Variants in SRP54 observed in about 807,000 individuals in gnomAD.
SRP54 encodes the protein signal recognition particle 54, also known as signal recognition particle subunit SRP54.
Under a neutral mutation model 64.8 loss-of-function variants are expected in SRP54, and 10 were observed. That is an observed-to-expected ratio of 0.15 (90% CI 0.10 to 0.26). The LOEUF is 0.26. Among genes scored for constraint, SRP54 ranks in the 10% least tolerant of loss-of-function variants. The probability of loss-of-function intolerance (pLI) is 1.00; values close to 1 mark genes in which losing one functional copy is unlikely to be tolerated. For synonymous variants in SRP54, 193 were observed against 185.6 expected, an observed-to-expected ratio of 1.04 and a Z score of -0.32; for missense variants, 325 against 613.7, an observed-to-expected ratio of 0.53 and a Z score of 4.97.
At chr14:35,020,775 T>C (rs1303470425) in intron 13 of SRP54, among the ~76,000 whole-genome samples, 3 of 152,244 alleles carry the variant, frequency 2.0e-5, no homozygotes, top group Non-Finnish European at 2.9e-5. Context: ...CTGAGCACTT[T>C]AAATATATTA....
intron 5 of SRP54, among the ~76,000 whole-genome samples, chr14:35,008,049 A>G (rs1015748258): frequency 6.6e-6 from 1 of 152,062 alleles, no homozygotes; most frequent in African/African-American, 2.4e-5. Context: ...TTTATCCTCT[A>G]TGGCTCAGGA....
At position 35,014,290 on chromosome 14, in the gene SRP54, T is replaced by TTTTTTTTTGTTTTTTTTTG. The variant is rs376712278; in HGVS notation, c.886+392_886+393insTTTTGTTTTTTTTTGTTTT. 5.5e-5 allele frequency among the ~76,000 whole-genome samples: 7 copies of TTTTTTTTTGTTTTTTTTTG among 127,352 alleles called. No individual in the cohort carries two copies. The South Asian group carries it at 1.3e-3, about 23-fold the overall frequency. 83.5% of individuals were successfully genotyped at this position (127,352 alleles called of 152,430 possible). ...TGCCACTTAACTTTTTTTTTTTTTT[T>TTTTTTTTTGTTTTTTTTTG]TTTTGAGACGGAGTTTCGCTCTTGT... On this transcript the variant is annotated intron_variant, in intron 10 of 15. Transcript: ENST00000216774.
Position 34,987,275 on chromosome 14 carries a change from G to GTGTATATA in SRP54, c.-34+4061_-34+4062insGTATATAT, listed in dbSNP as rs1555352664. The stretch of plus-strand genomic sequence containing the variant: ...TATATATATATGTGTGTGTGTGTGT[G>GTGTATATA]TATATATATATACACACACACACAC... On this transcript the variant is annotated intron_variant, in intron 1 of 15. Coordinates refer to ENST00000216774, the MANE Select transcript of SRP54 (RefSeq NM_003136.4). 7.6e-5 allele frequency among the ~76,000 whole-genome samples: 10 copies of GTGTATATA among 131,510 alleles called. 1 individual carries two copies. The South Asian group carries it at 1.2e-3, about 16-fold the overall frequency. The allele number at this position is 131,510 out of a possible 152,430, so 86.3% of individuals were successfully genotyped here.
intron 1 of SRP54, among the ~76,000 whole-genome samples, chr14:34,984,117 G>C (rs1197622923): frequency 2.0e-5 from 3 of 152,138 alleles, no homozygotes; most frequent in Admixed American, 6.6e-5. Flanking sequence ...CTTTTTCTCA[G>C]TTTTTTGATA....
At chr14:34,990,107 C>G (rs530708151) in intron 1 of SRP54, among the ~76,000 whole-genome samples, 1 of 152,242 alleles carries the variant, frequency 6.6e-6, no homozygotes, top group Admixed American at 6.5e-5. Flanking sequence ...AAAACTTCAG[C>G]CTGTTTCTAT....
chr14:34,999,820 T>C (rs2044141703), intron 3 of SRP54, 171 bp downstream of exon 3: 1 of 458,810 alleles, frequency 2.2e-6, no homozygotes, highest in African/African-American at 1.9e-5. Context: ...TACGTTTCCA[T>C]AATGATGGTT....
At chr14:35,020,189 G>GA (rs35470730) in intron 13 of SRP54, among the ~76,000 whole-genome samples, 1 of 151,592 alleles carries the variant, frequency 6.6e-6, no homozygotes, top group East Asian at 1.9e-4. Context: ...TGTCTCAAAA[G>GA]AAAAAAATAA....
intron 4 of SRP54, among the ~76,000 whole-genome samples, chr14:35,005,141 G>A (rs1352729956): frequency 1.3e-5 from 2 of 152,120 alleles, no homozygotes; most frequent in African/African-American, 4.8e-5. Context: ...AAACCAGTCT[G>A]GGCAACATAG....
intron 4 of SRP54, among the ~76,000 whole-genome samples, chr14:35,002,902 C>T (rs1195088241): frequency 2.0e-5 from 3 of 151,948 alleles, no homozygotes; most frequent in Non-Finnish European, 2.9e-5. Flanking sequence ...CATGCCACCA[C>T]GCCCAGCTAG....
chr14:34,984,607 T>A lies in SRP54; in HGVS notation c.-34+1392T>A, dbSNP rs545503934. On this transcript the variant is annotated intron_variant, in intron 1 of 15. Transcript: ENST00000216774. ...ACCTCCGCCTCCCAGGTTCAAGCAA[T>A]TCTCCTGCCTCAGCCTTCCGAGTAG... Among the ~76,000 whole-genome samples, 54 of 152,304 alleles carry A rather than the reference T, an allele frequency of 3.5e-4. 1 individual carries two copies. The highest frequency in any genetic ancestry group is 1.2e-3 in the African/African-American group (49 of 41,568).
At chr14:34,994,475 G>A (rs2044034626) in intron 1 of SRP54, among the ~76,000 whole-genome samples, 1 of 152,146 alleles carries the variant, frequency 6.6e-6, no homozygotes, top group African/African-American at 2.4e-5. Context: ...CCCAGACCGT[G>A]TTTTTAGAGC....
chr14:35,026,573 T>C (rs1286902576), intron 14 of SRP54, among the ~76,000 whole-genome samples: 1 of 152,186 alleles, frequency 6.6e-6, no homozygotes, highest in African/African-American at 2.4e-5. Context: ...CTATGGTGTT[T>C]TGACATAGTG....
intron 12 of SRP54, 74 bp downstream of exon 12, chr14:35,018,839 T>C: frequency 1.4e-6 from 2 of 1,472,846 alleles, no homozygotes; most frequent in Non-Finnish European, 1.9e-6. Flanking sequence ...CTTGCTTTAA[T>C]TATTTTTACA....
chr14:35,000,558 G>A (rs1371389002), intron 3 of SRP54, among the ~76,000 whole-genome samples: 1 of 128,238 alleles, frequency 7.8e-6, no homozygotes, highest in Non-Finnish European at 1.7e-5. Context: ...TAGTGAGACT[G>A]TCTCAAAAAA....
intron 11 of SRP54, among the ~76,000 whole-genome samples, chr14:35,016,839 T>C (rs1434148238): frequency 1.9e-5 from 1 of 51,666 alleles, no homozygotes; most frequent in Admixed American, 1.6e-4. Flanking sequence ...CCCTTTTTTT[T>C]CTTTTCTTTT....
intron 1 of SRP54, among the ~76,000 whole-genome samples, chr14:34,995,426 G>A (rs753713983): frequency 1.3e-5 from 2 of 151,960 alleles, no homozygotes; most frequent in Non-Finnish European, 2.9e-5. Flanking sequence ...CAGTTTGAAG[G>A]CAAGAAAAGC....
intron 1 of SRP54, among the ~76,000 whole-genome samples, chr14:34,983,923 G>T (rs2043851322): frequency 6.6e-6 from 1 of 152,178 alleles, no homozygotes; most frequent in Non-Finnish European, 1.5e-5. Context: ...GAGAGCTAAA[G>T]TGCTCCTTAG....
chr14:34,988,886 A>G (rs928207079), intron 1 of SRP54, among the ~76,000 whole-genome samples: 2 of 151,938 alleles, frequency 1.3e-5, no homozygotes, highest in Admixed American at 6.6e-5. Context: ...CATATGACCT[A>G]TGCACATCCT....
At chr14:34,983,366 C>T (rs79723068) in intron 1 of SRP54, among the ~76,000 whole-genome samples, 151 bp downstream of exon 1, 3 of 151,956 alleles carry the variant, frequency 2.0e-5, no homozygotes, top group Admixed American at 6.5e-5. Context: ...CTCTTTATCT[C>T]GTCTTCCATG....
Sources: allele counts gnomAD v4.1 joint callset (sites outside exome capture counted in the v4.1 genomes callset), GRCh38; gene constraint gnomAD v4.1.1; transcripts MANE v1.5; gene names NCBI Gene and HGNC (gene_info 2026-07-23, HGNC 2026-07-21).